CAMK2D: variants seen among roughly 807,000 people sequenced by gnomAD.
The protein encoded by CAMK2D is calcium/calmodulin dependent protein kinase II delta.
Under a neutral mutation model 84.0 loss-of-function variants are expected in CAMK2D, and 37 were observed. That is an observed-to-expected ratio of 0.44 (90% CI 0.34 to 0.58). The LOEUF (loss-of-function observed/expected upper bound fraction) is 0.58, where lower values mean the gene tolerates loss of function less well. CAMK2D is among the 20% of genes least tolerant of loss of function. The probability of loss-of-function intolerance (pLI) is 0.02; values close to 1 mark genes in which losing one functional copy is unlikely to be tolerated. For synonymous variants in CAMK2D, 202 were observed against 212.5 expected, an observed-to-expected ratio of 0.95 and a Z score of 0.43; for missense variants, 448 against 652.5, an observed-to-expected ratio of 0.69 and a Z score of 3.41.
At chr4:113,661,113 A>G (rs903514583) in intron 3 of CAMK2D, among the ~76,000 whole-genome samples, 1 of 152,152 alleles carries the variant, frequency 6.6e-6, no homozygotes, top group Non-Finnish European at 1.5e-5. Flanking sequence ...AACAATTCTT[A>G]AAGACACATA....
chr4:113,596,680 C>G (rs74645757), intron 4 of CAMK2D, among the ~76,000 whole-genome samples: 6,268 of 152,110 alleles, frequency 0.041, 360 homozygotes, highest in East Asian at 0.19. Context: ...TTTCTTCCCC[C>G]CCAGGCAGTA....
At chr4:113,660,637 T>C (rs1328380295) in intron 3 of CAMK2D, among the ~76,000 whole-genome samples, 1 of 152,104 alleles carries the variant, frequency 6.6e-6, no homozygotes, top group East Asian at 1.9e-4. Flanking sequence ...GCGATCCTTC[T>C]GCCTCACCCC....
chr4:113,606,236 A>C (rs1195738988), intron 4 of CAMK2D, among the ~76,000 whole-genome samples: 1 of 152,048 alleles, frequency 6.6e-6, no homozygotes, highest in African/African-American at 2.4e-5. Context: ...TTAGGGAGGC[A>C]GAGGCAGGCA....
At chr4:113,552,134 G>GA in intron 4 of CAMK2D, 38 bp from the exon 5 acceptor site, 1 of 1,183,802 alleles carries the variant, frequency 8.4e-7, no homozygotes, top group Admixed American at 2.0e-5. Context: ...TTAAAAAGAA[G>GA]CAAAAAAAAA....
intron 4 of CAMK2D, among the ~76,000 whole-genome samples, chr4:113,582,224 G>A (rs1306160406): frequency 6.6e-6 from 1 of 152,138 alleles, no homozygotes; most frequent in Non-Finnish European, 1.5e-5. Context: ...ATGTAGGGTG[G>A]CCCACCCACA....
intron 4 of CAMK2D, among the ~76,000 whole-genome samples, chr4:113,584,169 G>A (rs966730769): frequency 6.6e-6 from 1 of 152,172 alleles, no homozygotes; most frequent in South Asian, 2.1e-4. Flanking sequence ...CTGAGTGGAC[G>A]TGAATTCTGG....
chr4:113,588,247 T>C (rs1008758530), intron 4 of CAMK2D, among the ~76,000 whole-genome samples: 6 of 152,124 alleles, frequency 3.9e-5, no homozygotes, highest in African/African-American at 1.2e-4. Context: ...CCCCGGGTAA[T>C]TGAATATCCT....
intron 10 of CAMK2D, 97 bp downstream of exon 10, chr4:113,514,972 C>T: frequency 8.7e-7 from 1 of 1,152,788 alleles, no homozygotes; most frequent in Non-Finnish European, 1.3e-6. Flanking sequence ...TGAGTTTCAT[C>T]TTTTTTTGCA....
At chr4:113,577,358 A>G (rs2098788261) in intron 4 of CAMK2D, among the ~76,000 whole-genome samples, 2 of 152,128 alleles carry the variant, frequency 1.3e-5, no homozygotes, top group South Asian at 4.1e-4. Context: ...ATGTTGTTCC[A>G]TATTTTGGGT....
intron 4 of CAMK2D, among the ~76,000 whole-genome samples, chr4:113,588,216 T>C (rs944705634): frequency 6.6e-6 from 1 of 152,150 alleles, no homozygotes; most frequent in African/African-American, 2.4e-5. Flanking sequence ...CTTAAATAAT[T>C]ATAGCCATTA....
chr4:113,709,668 T>C (rs775751611), intron 2 of CAMK2D, among the ~76,000 whole-genome samples: 1 of 145,936 alleles, frequency 6.9e-6, no homozygotes, highest in Non-Finnish European at 1.5e-5. Context: ...ACTATATGAA[T>C]AAACAATATT....
chr4:113,554,660 A>T (rs1358360922), intron 4 of CAMK2D, among the ~76,000 whole-genome samples: 9 of 152,196 alleles, frequency 5.9e-5, no homozygotes, highest in Admixed American at 5.9e-4. Flanking sequence ...AATGTCTTGA[A>T]GAGAAGCTAC....
In CAMK2D at chr4:113,460,165, G is replaced by T; in HGVS notation, c.1288C>A (p.Arg430=). ...GNLVEGMDFH[R]FYFENALSKS... ...AATGTACCATTTTCAAAGTAGAATCGGTGAAAATCCATCCCTTCCACTAAA... is the reference window on the plus strand; with the variant it reads ...AATGTACCATTTTCAAAGTAGAATCTGTGAAAATCCATCCCTTCCACTAAA... Residue 430 remains arginine, a synonymous_variant, in exon 18 of 21, where the codon CGA becomes AGA. Coordinates refer to ENST00000511664, the MANE Select transcript of CAMK2D (RefSeq NM_001321571.2). The T allele has an allele frequency of 6.3e-7, 1 of 1,582,650 alleles. No individual in the cohort carries two copies. Among genetic ancestry groups the T allele is most frequent in the Non-Finnish European group, 8.7e-7 (1 of 1,151,882 alleles).
intron 18 of CAMK2D, among the ~76,000 whole-genome samples, chr4:113,458,932 G>A (rs1212307055): frequency 6.6e-6 from 1 of 152,146 alleles, no homozygotes; most frequent in Non-Finnish European, 1.5e-5. Flanking sequence ...GTCATTAGGT[G>A]TAAGGAAAAA....
At chr4:113,579,189 GA>G (rs2098797262) in intron 4 of CAMK2D, among the ~76,000 whole-genome samples, 2 of 152,202 alleles carry the variant, frequency 1.3e-5, no homozygotes, top group African/African-American at 4.8e-5. Flanking sequence ...TCTGTAAGCA[GA>G]AATGGCTAGA....
chr4:113,690,438 G>A (rs559101552), intron 2 of CAMK2D, among the ~76,000 whole-genome samples: 2 of 152,144 alleles, frequency 1.3e-5, no homozygotes, highest in East Asian at 1.9e-4. Context: ...TCCCAGTTGT[G>A]GGCACAAAGG....
chr4:113,754,526 A>T, intron 2 of CAMK2D: 1 of 952,234 alleles, frequency 1.1e-6, no homozygotes, highest in Non-Finnish European at 1.3e-6. Flanking sequence ...GAGAAGTATT[A>T]ATCTAATTGT....
chr4:113,457,183 T>C, intron 19 of CAMK2D, 152 bp downstream of exon 19: 1 of 1,445,778 alleles, frequency 6.9e-7, no homozygotes, highest in Non-Finnish European at 9.0e-7. Flanking sequence ...TTCCAGAGAA[T>C]CATAAACCTT....
chr4:113,754,194 A>G, intron 2 of CAMK2D: 7 of 957,430 alleles, frequency 7.3e-6, no homozygotes, highest in Non-Finnish European at 8.7e-6. Flanking sequence ...TCTTTAACAC[A>G]GCCTCTATAT....
Sources: allele counts gnomAD v4.1 joint callset (sites outside exome capture counted in the v4.1 genomes callset), GRCh38; gene constraint gnomAD v4.1.1; transcripts MANE v1.5; gene names NCBI Gene and HGNC (gene_info 2026-07-23, HGNC 2026-07-21).